The following RERE variants were observed in gnomAD, a reference collection of about 807,000 sequenced individuals.
RERE encodes arginine-glutamic acid dipeptide repeats protein.
RERE carries 40 observed loss-of-function variants against 146.1 expected under a neutral mutation model. The ratio of observed to expected loss-of-function variants is 0.27; its 90% CI spans 0.21 to 0.36. The LOEUF is 0.36. RERE is among the 10% of genes least tolerant of loss of function. The probability of loss-of-function intolerance (pLI) is 1.00; values close to 1 mark genes in which losing one functional copy is unlikely to be tolerated. For missense variants in RERE, 1,933 were observed against 2,138.7 expected (o/e 0.90, Z 1.90); for synonymous variants, 1,003 against 866.0 (o/e 1.16, Z -2.78).
intron 1 of RERE, among the ~76,000 whole-genome samples, chr1:8,749,523 C>G (rs1453432089): frequency 1.3e-5 from 2 of 151,440 alleles, no homozygotes; most frequent in Non-Finnish European, 2.9e-5. Context: ...GAAATGCGAT[C>G]TAAATTATAA....
chr1:8,376,709 G>A (rs376542819), intron 12 of RERE, among the ~76,000 whole-genome samples: 132 of 152,368 alleles, frequency 8.7e-4, no homozygotes, highest in African/African-American at 3.0e-3. Flanking sequence ...AGTGATGCCT[G>A]AGTCTAGATA....
intron 1 of RERE, among the ~76,000 whole-genome samples, chr1:8,803,121 C>T (rs1191372597): frequency 1.3e-5 from 2 of 152,086 alleles, no homozygotes; most frequent in Non-Finnish European, 2.9e-5. Flanking sequence ...CATGCTGAGG[C>T]AAAATATGAC....
intron 7 of RERE, among the ~76,000 whole-genome samples, chr1:8,518,422 A>G (rs958965023): frequency 1.3e-5 from 2 of 152,188 alleles, no homozygotes; most frequent in African/African-American, 4.8e-5. Flanking sequence ...TCAGATGGTA[A>G]ATATCACACA....
chr1:8,774,918 T>A (rs1332222946), intron 1 of RERE, among the ~76,000 whole-genome samples: 1 of 148,156 alleles, frequency 6.7e-6, no homozygotes, highest in East Asian at 2.0e-4. Context: ...AAGCCCCATA[T>A]CAGCCTTTCA....
At position 8,353,561 on chromosome 1, in the gene RERE, G is replaced by C. The variant is rs1400992121; in HGVS notation, c.*1526C>G. The C allele has an allele frequency of 6.6e-6, 1 of 152,270 alleles. No homozygotes were observed. Among genetic ancestry groups the C allele is most frequent in the Non-Finnish European group, 1.5e-5 (1 of 68,172 alleles). 9.4% of individuals were successfully genotyped at this position (152,270 alleles called of 1,614,324 possible). A position where few individuals can be genotyped will look rare whatever the true frequency, so the allele number is the denominator to read the frequency against. On this transcript the variant is annotated 3_prime_UTR_variant, in exon 23 of 23. Transcript: ENST00000400908. ...CTGGCAGGAAGCAGGGCCGACAGAG[G>C]GCAGACACCCCAGAACACCCGCCCT...
At chr1:8,432,269 C>CT (rs1644106144) in intron 11 of RERE, among the ~76,000 whole-genome samples, 1 of 152,116 alleles carries the variant, frequency 6.6e-6, no homozygotes, top group Non-Finnish European at 1.5e-5. Context: ...ATTCCTTTCC[C>CT]TGGGTTTTTA....
intron 12 of RERE, among the ~76,000 whole-genome samples, chr1:8,385,055 CTCCATCTTCCT>C (rs891529721): frequency 1.3e-5 from 2 of 152,206 alleles, no homozygotes; most frequent in African/African-American, 4.8e-5. Context: ...GTCCTGTGTC[CTCCATCTTCCT>C]TCCTTGGAAT....
Position 8,364,351 on chromosome 1 carries a change from C to A in RERE, c.1541-96G>T, listed in dbSNP as rs1641715009. On this transcript the variant is annotated intron_variant, in intron 14 of 22. Coordinates refer to ENST00000400908, the MANE Select transcript of RERE (RefSeq NM_001042681.2). The surrounding 1 kb of genome is among the most constrained non-coding windows in gnomAD (Gnocchi z 5.1). ...GCCCTTCTGTGGGCTCTACCCAAAC[C>A]TGATGCCACCAGCACCATGCAGCCC... 2 of 1,061,600 alleles carry A rather than the reference C, an allele frequency of 1.9e-6. No homozygotes were observed. Among genetic ancestry groups the A allele is most frequent in the African/African-American group, 3.1e-5 (2 of 64,536 alleles). 65.8% of individuals were successfully genotyped at this position (1,061,600 alleles called of 1,614,324 possible). A position where few individuals can be genotyped will look rare whatever the true frequency, so the allele number is the denominator to read the frequency against.
intron 21 of RERE, among the ~76,000 whole-genome samples, chr1:8,355,861 TG>T (rs1641269197): frequency 6.6e-6 from 1 of 152,100 alleles, no homozygotes; most frequent in Non-Finnish European, 1.5e-5. Flanking sequence ...AGACCTGCCG[TG>T]AGTCCCCTCT....
chr1:8,422,353 C>T (rs1643921957), intron 12 of RERE, among the ~76,000 whole-genome samples: 1 of 152,188 alleles, frequency 6.6e-6, no homozygotes, highest in African/African-American at 2.4e-5. Context: ...TTGATGATTT[C>T]TGCCAATTAC....
intron 1 of RERE, among the ~76,000 whole-genome samples, chr1:8,711,976 T>C (rs1157309698): frequency 3.3e-5 from 5 of 152,194 alleles, no homozygotes; most frequent in Admixed American, 1.3e-4. Flanking sequence ...AATACATACA[T>C]TTAAATGTTT....
chr1:8,678,644 G>A lies in RERE; in HGVS notation c.-144-22203C>T, dbSNP rs111397001. On this transcript the variant is annotated intron_variant, in intron 1 of 22. Coordinates refer to ENST00000400908, the MANE Select transcript of RERE (RefSeq NM_001042681.2). ...AGGGAGGCGGAGGTTGCAGTGAGCC[G>A]AGATCGTACCACTGCACTCTAGCCT... Among the ~76,000 whole-genome samples, 1,356 of 152,022 alleles carry A rather than the reference G, an allele frequency of 8.9e-3. 22 individuals are homozygous for A. Among genetic ancestry groups the A allele is most frequent in the African/African-American group, 0.032 (1,306 of 41,450 alleles).
At chr1:8,694,772 A>G (rs951506832) in intron 1 of RERE, among the ~76,000 whole-genome samples, 3 of 152,044 alleles carry the variant, frequency 2.0e-5, no homozygotes, top group Non-Finnish European at 4.4e-5. Flanking sequence ...AAAAAAAGAA[A>G]TGACAGATGA....
chr1:8,537,084 G>A (rs1305047904), intron 7 of RERE, among the ~76,000 whole-genome samples: 3 of 152,114 alleles, frequency 2.0e-5, no homozygotes, highest in African/African-American at 7.2e-5. Context: ...CACACCTGCA[G>A]TCCCAGCTAC....
chr1:8,740,156 G>T (rs1640279884), intron 1 of RERE, among the ~76,000 whole-genome samples: 4 of 151,886 alleles, frequency 2.6e-5, no homozygotes, highest in Admixed American at 1.3e-4. Context: ...ACAATCACAT[G>T]TTGCTTAACA....
chr1:8,527,862 A>G lies in RERE; in HGVS notation c.830+13352T>C, dbSNP rs577154769. On this transcript the variant is annotated intron_variant, in intron 7 of 22. Coordinates refer to ENST00000400908, the MANE Select transcript of RERE (RefSeq NM_001042681.2). ...TCCTTCACACTCTCTCCCGTGGAAA[A>G]GTCACCCACACTACCACCATGCCAG... Among the ~76,000 whole-genome samples, 360 of 152,182 alleles carry G rather than the reference A, an allele frequency of 2.4e-3. 2 individuals are homozygous for G. The highest frequency in any genetic ancestry group is 8.3e-3 in the African/African-American group (343 of 41,510).
At chr1:8,637,061 T>C (rs1273921677) in intron 2 of RERE, among the ~76,000 whole-genome samples, 1 of 152,116 alleles carries the variant, frequency 6.6e-6, no homozygotes, top group East Asian at 1.9e-4. Context: ...TTGGGGAAAA[T>C]ATTCTAATTT....
intron 1 of RERE, among the ~76,000 whole-genome samples, chr1:8,729,872 G>C (rs536532064): frequency 6.6e-6 from 1 of 152,288 alleles, no homozygotes; most frequent in African/African-American, 2.4e-5. Context: ...TTCACATCAG[G>C]CTTTTCCAAA....
At chr1:8,492,265 G>A (rs1644988927) in intron 10 of RERE, among the ~76,000 whole-genome samples, 1 of 152,170 alleles carries the variant, frequency 6.6e-6, no homozygotes. Flanking sequence ...ATGGGCAAAA[G>A]TAGCCAAAAT....
Sources: allele counts gnomAD v4.1 joint callset (sites outside exome capture counted in the v4.1 genomes callset), GRCh38; gene constraint gnomAD v4.1.1; non-coding constraint Gnocchi (gnomAD v3.1); transcripts MANE v1.5; gene names NCBI Gene and HGNC (gene_info 2026-07-23, HGNC 2026-07-21).